ABLIM2: variants seen among roughly 807,000 people sequenced by gnomAD.
The protein encoded by ABLIM2 is actin binding LIM protein family member 2.
ABLIM2 carries 53 observed loss-of-function variants against 97.7 expected under a neutral mutation model. The ratio of observed to expected loss-of-function variants is 0.54; its 90% CI spans 0.44 to 0.68. ABLIM2 has a LOEUF of 0.68. Ranked by LOEUF, ABLIM2 falls within the 30% of genes least tolerant of loss-of-function variation. The probability of loss-of-function intolerance (pLI) is 0.00; values close to 1 mark genes in which losing one functional copy is unlikely to be tolerated. For synonymous variants in ABLIM2, 361 were observed against 345.8 expected, an observed-to-expected ratio of 1.04 and a Z score of -0.49; for missense variants, 835 against 867.2, an observed-to-expected ratio of 0.96 and a Z score of 0.47.
intron 4 of ABLIM2, among the ~76,000 whole-genome samples, chr4:8,086,345 C>T (rs1267048690): frequency 6.7e-6 from 1 of 148,784 alleles, no homozygotes; most frequent in African/African-American, 2.5e-5. Flanking sequence ...TCCATCCCCT[C>T]CCACTTTTTT....
rs1755334253 is a variant in ABLIM2 at position 7,999,042 on chromosome 4, A to C, written c.1619-6115T>G. ...TAAAGGTCCCAGGGATGCTGTGCAC[A>C]ACCAGCGCTGAGAATCACTGGTTTA... On this transcript the variant is annotated intron_variant, in intron 16 of 20. Coordinates refer to ENST00000447017, the MANE Select transcript of ABLIM2 (RefSeq NM_001130083.2). The surrounding 1 kb of genome is among the most constrained non-coding windows in gnomAD (Gnocchi z 4.4). Among the ~76,000 whole-genome samples, 3 of 152,218 alleles carry C rather than the reference A, an allele frequency of 2.0e-5. No homozygotes were observed. The highest frequency in any genetic ancestry group is 4.4e-5 in the Non-Finnish European group (3 of 68,038).
In ABLIM2 at chr4:7,967,049, A is replaced by T. The variant is rs776481036; in HGVS notation, c.1879T>A (p.Phe627Ile). Residue 627 changes from phenylalanine (F) to isoleucine (I), a missense_variant, in exon 21 of 21, where the codon TTT (phenylalanine) becomes ATT (isoleucine). Phe to Ile is a conservative substitution (Grantham distance 21). Transcript: ENST00000447017. ...CTCTTCCAGAGGGCCAGGCGGTCAAACTCCTCGATGCTCATCCCAAACACT... is the reference window on the plus strand; with the variant it reads ...CTCTTCCAGAGGGCCAGGCGGTCAATCTCCTCGATGCTCATCCCAAACACT... ...QEVFGMSIEE[F>I]DRLALWKRND... The T allele has an allele frequency of 1.2e-6, 2 of 1,613,810 alleles. No individual in the cohort carries two copies. The highest frequency in any genetic ancestry group is 1.7e-6 in the Non-Finnish European group (2 of 1,179,926).
At chr4:8,049,283 C>T (rs1275792379) in intron 8 of ABLIM2, among the ~76,000 whole-genome samples, 4 of 152,236 alleles carry the variant, frequency 2.6e-5, no homozygotes, top group South Asian at 2.1e-4. Flanking sequence ...TATGATCAAA[C>T]GCCTGAGGCG....
chr4:8,093,387 G>C (rs1203052222), intron 3 of ABLIM2, among the ~76,000 whole-genome samples: 2 of 152,158 alleles, frequency 1.3e-5, no homozygotes, highest in African/African-American at 2.4e-5. Flanking sequence ...TTTTGGTGCA[G>C]ATTGGCTGGC....
intron 1 of ABLIM2, among the ~76,000 whole-genome samples, chr4:8,135,232 G>C: frequency 6.6e-6 from 1 of 152,228 alleles, no homozygotes; most frequent in East Asian, 1.9e-4. Context: ...GCATGATTCT[G>C]GGTCGGATCC....
intron 1 of ABLIM2, among the ~76,000 whole-genome samples, chr4:8,137,394 G>A (rs959122253): frequency 3.0e-4 from 46 of 152,346 alleles, no homozygotes; most frequent in Admixed American, 1.4e-3. Flanking sequence ...CAGTGGGGGC[G>A]GCCAAGGGCC....
intron 9 of ABLIM2, among the ~76,000 whole-genome samples, chr4:8,038,344 T>C (rs756793952): frequency 2.0e-5 from 3 of 152,178 alleles, no homozygotes; most frequent in Non-Finnish European, 2.9e-5. Flanking sequence ...CTTTCCAGGC[T>C]TCACTGCTGG....
rs1051656947 is a variant in ABLIM2, at chr4:8,087,051, G to A, written c.454+1118C>T. Among the ~76,000 whole-genome samples the A allele has an allele frequency of 6.6e-6, 1 of 152,210 alleles. No individual in the cohort carries two copies. The highest frequency in any genetic ancestry group is 2.4e-5 in the African/African-American group (1 of 41,448). ...GGCTGGAAGTGGAATCGCCTCTGTA[G>A]AGACTCTCAACGCAGCAGACAAGGT... On this transcript the variant is annotated intron_variant, in intron 4 of 20. Transcript: ENST00000447017. The surrounding 1 kb of genome is among the most constrained non-coding windows in gnomAD (Gnocchi z 4.6).
In ABLIM2 at chr4:8,127,140, G is replaced by A. The variant is rs1404349083; in HGVS notation, c.11-20503C>T. 1.3e-5 allele frequency among the ~76,000 whole-genome samples: 2 copies of A among 152,032 alleles called. No homozygotes were observed. The highest frequency in any genetic ancestry group is 2.4e-5 in the African/African-American group (1 of 41,420). On this transcript the variant is annotated intron_variant, in intron 1 of 20. Coordinates refer to ENST00000447017, the MANE Select transcript of ABLIM2 (RefSeq NM_001130083.2). The surrounding 1 kb of genome is among the most constrained non-coding windows in gnomAD (Gnocchi z 7.3). Reference sequence around the variant, plus strand: ...GGAGCACAGGAGCACAGCTGCCTGTGGGTGAGAATCACCACCTTAAAGGAA... The same window carrying A: ...GGAGCACAGGAGCACAGCTGCCTGTAGGTGAGAATCACCACCTTAAAGGAA...
intron 12 of ABLIM2, among the ~76,000 whole-genome samples, chr4:8,024,695 T>C (rs945577840): frequency 6.6e-6 from 1 of 152,196 alleles, no homozygotes; most frequent in Non-Finnish European, 1.5e-5. Flanking sequence ...ACACAATTTG[T>C]GAACGGGACC....
intron 4 of ABLIM2, among the ~76,000 whole-genome samples, chr4:8,084,607 T>C (rs58761834): frequency 0.26 from 39,171 of 151,976 alleles, 5,634 homozygotes; most frequent in East Asian, 0.61. Context: ...CCTTCCTGCC[T>C]CTTCATCCCT....
chr4:8,101,254 T>G (rs1834433918), intron 2 of ABLIM2, among the ~76,000 whole-genome samples: 1 of 152,102 alleles, frequency 6.6e-6, no homozygotes, highest in South Asian at 2.1e-4. Context: ...TCCCCTTCTG[T>G]GAATAACAGG....
rs34540414 is a variant in ABLIM2, at chr4:8,019,148, C to T, written c.1423+470G>A. Among the ~76,000 whole-genome samples, 31,185 of 152,100 alleles carry T rather than the reference C, an allele frequency of 0.21. 3,374 individuals carry two copies. The highest frequency in any genetic ancestry group is 0.28 in the East Asian group (1,453 of 5,166). On this transcript the variant is annotated intron_variant, in intron 14 of 20. Transcript: ENST00000447017. The surrounding 1 kb of genome is among the most constrained non-coding windows in gnomAD (Gnocchi z 4.3). ...TCTCCGTAACGGAAGGCAAGGTCAC[C>T]CATCCCATCATCAGAAATTCTCAAA...
chr4:8,116,381 A>G (rs982578144), intron 1 of ABLIM2, among the ~76,000 whole-genome samples: 3 of 152,124 alleles, frequency 2.0e-5, no homozygotes, highest in East Asian at 3.9e-4. Context: ...CTCCAAACCC[A>G]AGGCTGGCCA....
chr4:8,028,054 G>A (rs536390948), intron 11 of ABLIM2, among the ~76,000 whole-genome samples, 197 bp from the exon 12 acceptor site: 1 of 152,344 alleles, frequency 6.6e-6, no homozygotes, highest in South Asian at 2.1e-4. Flanking sequence ...GACCTCAGAG[G>A]ACCAGGCAGA....
chr4:8,077,600 G>A (rs544701964), intron 6 of ABLIM2, 28 bp downstream of exon 6: 61 of 1,578,196 alleles, frequency 3.9e-5, no homozygotes, highest in Non-Finnish European at 4.6e-5. Flanking sequence ...AGCTCAGAGC[G>A]GGCAGGGGCC....
rs1478934938 is a variant in ABLIM2, at chr4:8,029,583, A to T, written c.1168+73T>A. 5 of 1,310,154 alleles carry T rather than the reference A, an allele frequency of 3.8e-6. No homozygotes were observed. In the South Asian group the frequency reaches 7.7e-5, roughly 20 times the overall value. 81.2% of individuals were successfully genotyped at this position (1,310,154 alleles called of 1,614,324 possible). On this transcript the variant is annotated intron_variant, in intron 11 of 20. Coordinates refer to ENST00000447017, the MANE Select transcript of ABLIM2 (RefSeq NM_001130083.2). ...AATGCCACTTATAACCGAAAAAAAA[A>T]ACTAAAAAAAAAAAAAAAAAAAAGG...
rs1002447125 is a variant in ABLIM2 at position 8,004,512 on chromosome 4, G to C, written c.1618+3547C>G. Among the ~76,000 whole-genome samples, 3 of 152,166 alleles carry C rather than the reference G, an allele frequency of 2.0e-5. No homozygotes were observed. Among genetic ancestry groups the C allele is most frequent in the Non-Finnish European group, 4.4e-5 (3 of 68,046 alleles). ...TAGGGGCCACTGAGTCCTCTGGGCA[G>C]TGCCTCAAGCTGCCCGGGGGTTTGT... On this transcript the variant is annotated intron_variant, in intron 16 of 20. Coordinates refer to ENST00000447017, the MANE Select transcript of ABLIM2 (RefSeq NM_001130083.2). The surrounding 1 kb of genome is among the most constrained non-coding windows in gnomAD (Gnocchi z 5.9).
chr4:8,135,133 AAAAG>A (rs1850005347), intron 1 of ABLIM2, among the ~76,000 whole-genome samples: 1 of 152,230 alleles, frequency 6.6e-6, no homozygotes, highest in Non-Finnish European at 1.5e-5. Flanking sequence ...TCCGTGGCAC[AAAAG>A]AAAGATAGAA....
Sources: gnomAD v4.1 joint callset for allele counts (sites outside exome capture counted in the v4.1 genomes callset) on GRCh38, gnomAD v4.1.1 for gene constraint, Gnocchi (gnomAD v3.1) non-coding constraint, MANE v1.5 for transcripts, NCBI Gene and HGNC (gene_info 2026-07-23, HGNC 2026-07-21) for gene names.